KIF13A: variants seen among roughly 807,000 people sequenced by gnomAD.
The protein encoded by KIF13A is kinesin family member 13A, also known as kinesin-like protein KIF13A.
A neutral mutation model predicts 212.2 loss-of-function variants in KIF13A; 79 were observed. That is an observed-to-expected ratio of 0.37 (90% CI 0.31 to 0.45). The LOEUF (loss-of-function observed/expected upper bound fraction) is 0.45. Among genes scored for constraint, KIF13A ranks in the 20% least tolerant of loss-of-function variants. The pLI, the probability that KIF13A is intolerant of heterozygous loss-of-function variation, is 1.00. For missense variants in KIF13A, 1,901 were observed against 2,209.0 expected (o/e 0.86, Z 2.79); for synonymous variants, 789 against 808.6 (o/e 0.98, Z 0.41).
chr6:17,893,561 T>G (rs551197593), intron 3 of KIF13A, among the ~76,000 whole-genome samples: 4 of 152,232 alleles, frequency 2.6e-5, no homozygotes, highest in Admixed American at 1.3e-4. Flanking sequence ...CTTTCCATCT[T>G]GAATTTCCTT....
In KIF13A at chr6:17,772,269, C is replaced by A. The variant is rs139973448; in HGVS notation, c.4325-210G>T. Among the ~76,000 whole-genome samples, 135 of 152,186 alleles carry A rather than the reference C, an allele frequency of 8.9e-4. No homozygotes were observed. Among genetic ancestry groups the A allele is most frequent in the Admixed American group, 1.8e-3 (28 of 15,272 alleles). ...AAAAAAAAATAAACAGATAGCCAGG[C>A]ATGGTGGTGTCTACTTGTTGTACTT... On this transcript the variant is annotated intron_variant, in intron 36 of 38. Coordinates refer to ENST00000259711, the MANE Select transcript of KIF13A (RefSeq NM_022113.6). This position sits in a 1 kb window ranked among gnomAD's most constrained non-coding sequence, Gnocchi z 4.8.
At chr6:17,960,284 G>A (rs770156082) in intron 2 of KIF13A, among the ~76,000 whole-genome samples, 2 of 152,130 alleles carry the variant, frequency 1.3e-5, no homozygotes, top group Non-Finnish European at 2.9e-5. Context: ...AAAAGAGAGC[G>A]AGTATAAAAA....
chr6:17,856,156 A>C lies in KIF13A; in HGVS notation c.221-34T>G. On this transcript the variant is annotated intron_variant, in intron 4 of 38. Coordinates refer to ENST00000259711, the MANE Select transcript of KIF13A (RefSeq NM_022113.6). The surrounding 1 kb of genome is among the most constrained non-coding windows in gnomAD (Gnocchi z 4.5). Reference sequence around the variant, plus strand: ...CAAGACAAATATTAAAAACTAATAAAAAGAATAATTTTTCTTGACATATTT... The same window carrying C: ...CAAGACAAATATTAAAAACTAATAACAAGAATAATTTTTCTTGACATATTT... The C allele has an allele frequency of 7.3e-7, 1 of 1,376,478 alleles. No homozygotes were observed. Among genetic ancestry groups the C allele is most frequent in the South Asian group, 1.2e-5 (1 of 81,528 alleles). The allele number at this position is 1,376,478 out of a possible 1,614,324, so 85.3% of individuals were successfully genotyped here.
At chr6:17,908,389 C>T (rs1773716473) in intron 2 of KIF13A, among the ~76,000 whole-genome samples, 1 of 152,242 alleles carries the variant, frequency 6.6e-6, no homozygotes, top group East Asian at 1.9e-4. Context: ...TGCTTGAGCC[C>T]AGGAGTTCAA....
rs915412281 is a variant in KIF13A at position 17,959,749 on chromosome 6, C to T, written c.146+27305G>A. 7.9e-5 allele frequency among the ~76,000 whole-genome samples: 12 copies of T among 152,204 alleles called. 1 individual carries two copies. In the East Asian group the frequency reaches 1.3e-3, roughly 17 times the overall value. On this transcript the variant is annotated intron_variant, in intron 2 of 38. Transcript: ENST00000259711. ...ATTAAAAGCTATCAGTTCGGCTGGG[C>T]GCAGTGGCTCACGCCCGTAATCCCA...
chr6:17,833,632 G>C (rs1408241515), intron 12 of KIF13A, among the ~76,000 whole-genome samples: 1 of 151,914 alleles, frequency 6.6e-6, no homozygotes, highest in South Asian at 2.1e-4. Context: ...GCGGCTGGCA[G>C]ATCACCTGAG....
intron 9 of KIF13A, among the ~76,000 whole-genome samples, chr6:17,842,857 C>CT (rs890646082): frequency 6.2e-4 from 91 of 146,770 alleles, no homozygotes; most frequent in Middle Eastern, 3.6e-3. Flanking sequence ...TATAATCCAA[C>CT]TTTTTTTTTT....
chr6:17,761,254 A>T (rs1180066535), downstream of KIF13A, among the ~76,000 whole-genome samples: 2 of 152,100 alleles, frequency 1.3e-5, no homozygotes, highest in Non-Finnish European at 2.9e-5. Flanking sequence ...AAAACATTTA[A>T]ATTTTTGTAG....
intron 3 of KIF13A, chr6:17,882,165 G>A (rs1377389306): frequency 2.3e-6 from 1 of 434,792 alleles, no homozygotes; most frequent in Non-Finnish European, 4.7e-6. Flanking sequence ...TTCGAGTTGT[G>A]TGCTTTCACT....
At chr6:17,970,483 G>A (rs1304006726) in intron 2 of KIF13A, among the ~76,000 whole-genome samples, 2 of 152,072 alleles carry the variant, frequency 1.3e-5, no homozygotes, top group African/African-American at 4.8e-5. Context: ...TGCTGAGAGA[G>A]GAGATCCAAT....
Position 17,826,028 on chromosome 6 carries a change from A to C in KIF13A, c.1619+10T>G. 1 of 1,613,112 alleles carries C rather than the reference A, an allele frequency of 6.2e-7. No homozygotes were observed. Among genetic ancestry groups the C allele is most frequent in the Non-Finnish European group, 8.5e-7 (1 of 1,179,082 alleles). On this transcript the variant is annotated intron_variant, in intron 15 of 38. Coordinates refer to ENST00000259711, the MANE Select transcript of KIF13A (RefSeq NM_022113.6). The surrounding 1 kb of genome is among the most constrained non-coding windows in gnomAD (Gnocchi z 4.7). ...ATACGAAAATATATTACAGAACACA[A>C]AGATGTTACCTAAAAAAGTGATTAT... is the stretch of plus-strand genomic sequence containing the variant.
intron 2 of KIF13A, among the ~76,000 whole-genome samples, chr6:17,954,233 G>C (rs78890700): frequency 6.6e-6 from 1 of 151,220 alleles, no homozygotes; most frequent in Non-Finnish European, 1.5e-5. Context: ...CCTGGGAGGC[G>C]GGCTTGCTTG....
chr6:17,856,580 G>A lies in KIF13A; in HGVS notation c.221-458C>T, dbSNP rs1037375682. The stretch of plus-strand genomic sequence containing the variant: ...TGCCAAGTGCTAAAAACCGTTAGTT[G>A]CTGAGGATGGATTGACAACTTCAGC... On this transcript the variant is annotated intron_variant, in intron 4 of 38. Transcript: ENST00000259711. This position sits in a 1 kb window ranked among gnomAD's most constrained non-coding sequence, Gnocchi z 4.5. Among the ~76,000 whole-genome samples the A allele has an allele frequency of 3.3e-5, 5 of 152,314 alleles. No homozygotes were observed. The highest frequency in any genetic ancestry group is 3.3e-4 in the Admixed American group (5 of 15,292).
rs1762075727 is a variant in KIF13A at position 17,796,820 on chromosome 6, C to G, written c.2791G>C (p.Asp931His). ...QYTVTFSHCK[D>H]YVVNVTEEFL... ...TCTTCTGTTACATTCACCACATAGT[C>G]CTGGGATAAGTGGGGGAAAGCAAAA... Residue 931 changes from aspartate to histidine, a missense_variant and splice_region_variant, in exon 23 of 39, where the codon GAC becomes CAC. By Grantham distance (81) the Asp-to-His change is moderately conservative (BLOSUM62 -1). This residue lies in a region of KIF13A where 534 missense variants were observed against 536.9 expected (regional missense o/e 0.99). Transcript: ENST00000259711. 1 of 1,507,658 alleles carries G rather than the reference C, an allele frequency of 6.6e-7. No homozygotes were observed. The highest frequency in any genetic ancestry group is 2.5e-5 in the East Asian group (1 of 39,772). The allele number at this position is 1,507,658 out of a possible 1,614,324, so 93.4% of individuals were successfully genotyped here.
chr6:17,936,813 G>A (rs1052641805), intron 2 of KIF13A, among the ~76,000 whole-genome samples: 1 of 152,064 alleles, frequency 6.6e-6, no homozygotes, highest in Non-Finnish European at 1.5e-5. Context: ...AGATTTATGT[G>A]TTACATTTAA....
chr6:17,861,937 C>T (rs942332332), intron 4 of KIF13A, among the ~76,000 whole-genome samples: 2 of 152,180 alleles, frequency 1.3e-5, no homozygotes, highest in African/African-American at 4.8e-5. Flanking sequence ...ATGATATGTG[C>T]TATGCCTCAC....
At chr6:17,795,916 G>T (rs9371020) in intron 23 of KIF13A, among the ~76,000 whole-genome samples, 99,149 of 152,034 alleles carry the variant, frequency 0.65, 33,220 homozygotes, top group South Asian at 0.79. Context: ...AGTTTAAGTT[G>T]TTGTATTTAA....
rs1420055162 is a variant in KIF13A at position 17,888,578 on chromosome 6, C to A, written c.159+9590G>T. Among the ~76,000 whole-genome samples, 5 of 152,338 alleles carry A rather than the reference C, an allele frequency of 3.3e-5. No homozygotes were observed. The East Asian group carries it at 9.6e-4, about 29-fold the overall frequency. On this transcript the variant is annotated intron_variant, in intron 3 of 38. Coordinates refer to ENST00000259711, the MANE Select transcript of KIF13A (RefSeq NM_022113.6). This position sits in a 1 kb window ranked among gnomAD's most constrained non-coding sequence, Gnocchi z 4.8. ...GTGGCTTATGCCTGTAATCCCAGCA[C>A]TTTGGGAGGCCAAAGCGGGCAGATC...
At chr6:17,814,501 C>T (rs566241810) in intron 17 of KIF13A, among the ~76,000 whole-genome samples, 28 of 152,226 alleles carry the variant, frequency 1.8e-4, no homozygotes, top group African/African-American at 6.5e-4. Context: ...CCCGCCTCGG[C>T]CTCCCAAAGT....
Sources: gnomAD v4.1 joint callset for allele counts (sites outside exome capture counted in the v4.1 genomes callset) on GRCh38, gnomAD v4.1.1 for gene constraint, gnomAD v4.1.1 regional missense constraint, Gnocchi (gnomAD v3.1) non-coding constraint, MANE v1.5 for transcripts, NCBI Gene and HGNC (gene_info 2026-07-23, HGNC 2026-07-21) for gene names.